The following PPP4R4 variants were observed in gnomAD, a reference collection of about 807,000 sequenced individuals.
PPP4R4 encodes protein phosphatase 4 regulatory subunit 4.
PPP4R4 carries 70 observed loss-of-function variants against 121.8 expected under a neutral mutation model. The ratio of observed to expected loss-of-function variants is 0.57; its 90% confidence interval spans 0.47 to 0.70. The LOEUF is 0.70. Among genes scored for constraint, PPP4R4 ranks in the 30% least tolerant of loss-of-function variants. The pLI is 0.00. For synonymous variants in PPP4R4, 348 were observed against 355.7 expected (o/e 0.98, Z 0.24); for missense variants, 875 against 1,033.6 (o/e 0.85, Z 2.10).
chr14:94,214,320 G>A (rs563052330), intron 3 of PPP4R4, among the ~76,000 whole-genome samples: 7 of 151,990 alleles, frequency 4.6e-5, no homozygotes, highest in Admixed American at 2.0e-4. Context: ...GAGAGGATTT[G>A]GGAAATATAT....
chr14:94,275,640 T>G, intron 24 of PPP4R4, 119 bp downstream of exon 24: 4 of 1,160,312 alleles, frequency 3.4e-6, no homozygotes, highest in Non-Finnish European at 3.7e-6. Flanking sequence ...GAAAATGTTA[T>G]AAATTAAAGG....
At chr14:94,180,217 G>A (rs774210067) in intron 2 of PPP4R4, among the ~76,000 whole-genome samples, 1 of 152,134 alleles carries the variant, frequency 6.6e-6, no homozygotes, top group Non-Finnish European at 1.5e-5. Context: ...TTTAAAAGAG[G>A]ATAATGGTAT....
intron 3 of PPP4R4, among the ~76,000 whole-genome samples, chr14:94,217,838 T>C (rs1035431931): frequency 1.5e-4 from 23 of 151,876 alleles, no homozygotes; most frequent in African/African-American, 5.3e-4. Flanking sequence ...CTAGTAAAAA[T>C]ACAAAATTAG....
chr14:94,218,184 T>A (rs1304334069), intron 3 of PPP4R4, among the ~76,000 whole-genome samples: 1 of 151,934 alleles, frequency 6.6e-6, no homozygotes, highest in Non-Finnish European at 1.5e-5. Context: ...TGAGACAGCA[T>A]AAAAAGAGAT....
chr14:94,187,235 G>A (rs554144423), intron 2 of PPP4R4, among the ~76,000 whole-genome samples: 24 of 152,122 alleles, frequency 1.6e-4, no homozygotes, highest in African/African-American at 5.1e-4. Flanking sequence ...TTGCCCCGGA[G>A]GCAGAGGTTG....
chr14:94,200,923 G>A (rs1890144112), intron 2 of PPP4R4, among the ~76,000 whole-genome samples: 1 of 151,860 alleles, frequency 6.6e-6, no homozygotes, highest in African/African-American at 2.4e-5. Context: ...ACCTCAGCTA[G>A]TCTATTTGTG....
In PPP4R4 at chr14:94,267,029, G is replaced by T; in HGVS notation, c.2449G>T (p.Asp817Tyr). The change falls in exon 23 of 25, where the codon GAT becomes TAT. Residue 817 changes from aspartate (D) to tyrosine (Y), a missense_variant and splice_region_variant. Physicochemically the swap from Asp to Tyr is radical, Grantham distance 160. Transcript: ENST00000304338. ...LGKTSVLSLADDSFRTRNASS... is the reference protein window; with the variant it reads ...LGKTSVLSLAYDSFRTRNASS... ...AAAGACTTCTGTGCTTTCACTAGCT[G>T]GTAAGTAGCAATCTAAGTTCTTCAA... 1 of 1,577,842 alleles carries T rather than the reference G, an allele frequency of 6.3e-7. No individual in the cohort carries two copies. Among genetic ancestry groups the T allele is most frequent in the South Asian group, 1.1e-5 (1 of 88,962 alleles).
chr14:94,251,947 C>A lies in PPP4R4; in HGVS notation c.1865+51C>A, dbSNP rs754601610. Reference sequence around the variant, plus strand: ...TGGAAATTGTATTTATTTTTATCTACTATAGTGAACATATGCAAAATCTTT... The same window carrying A: ...TGGAAATTGTATTTATTTTTATCTAATATAGTGAACATATGCAAAATCTTT... On this transcript the variant is annotated intron_variant, in intron 16 of 24. Coordinates refer to ENST00000304338, the MANE Select transcript of PPP4R4 (RefSeq NM_058237.2). The A allele has an allele frequency of 4.9e-6, 7 of 1,432,048 alleles. No homozygotes were observed. The East Asian group carries it at 1.2e-4, about 25-fold the overall frequency. The allele number at this position is 1,432,048 out of a possible 1,614,324, so 88.7% of individuals were successfully genotyped here. A position where few individuals can be genotyped will look rare whatever the true frequency, so the allele number is the denominator to read the frequency against.
chr14:94,218,487 A>G (rs1222158764), intron 3 of PPP4R4, among the ~76,000 whole-genome samples: 2 of 79,150 alleles, frequency 2.5e-5, no homozygotes, highest in African/African-American at 1.1e-4. Context: ...ACACACCCTC[A>G]CCCCTAGACA....
chr14:94,271,482 A>G (rs1419614699), intron 23 of PPP4R4, among the ~76,000 whole-genome samples: 1 of 152,200 alleles, frequency 6.6e-6, no homozygotes, highest in African/African-American at 2.4e-5. Flanking sequence ...GATAAAAACC[A>G]TCAGTAAGCT....
intron 2 of PPP4R4, among the ~76,000 whole-genome samples, chr14:94,181,329 G>T (rs997331488): frequency 6.6e-6 from 1 of 152,042 alleles, no homozygotes; most frequent in African/African-American, 2.4e-5. Flanking sequence ...GGTCTTGAGT[G>T]ACCAGTATTG....
chr14:94,256,590 G>C lies in PPP4R4; in HGVS notation c.1996G>C (p.Ala666Pro), dbSNP rs1218273278. ...LCQEKDKDVL[A>P]IVKRTVLELD... Reference sequence around the variant, plus strand: ...TCAAGAAAAAGATAAAGATGTTCTGGCTATTGTAAAAAGAGTAAGTATCAC... The same window carrying C: ...TCAAGAAAAAGATAAAGATGTTCTGCCTATTGTAAAAAGAGTAAGTATCAC... Residue 666 changes from alanine (A) to proline (P), a missense_variant, in exon 17 of 25, where the codon GCT (alanine) becomes CCT (proline). Ala to Pro is a conservative substitution (Grantham distance 27). Transcript: ENST00000304338. The C allele has an allele frequency of 6.2e-7, 1 of 1,605,434 alleles. No individual in the cohort carries two copies. The highest frequency in any genetic ancestry group is 1.1e-5 in the South Asian group (1 of 89,756).
intron 16 of PPP4R4, among the ~76,000 whole-genome samples, chr14:94,253,206 C>G (rs540564219): frequency 6.6e-6 from 1 of 152,178 alleles, no homozygotes; most frequent in South Asian, 2.1e-4. Context: ...GCCTGTAAAT[C>G]CCAGCACTTT....
chr14:94,235,912 A>C (rs978252823), intron 7 of PPP4R4, among the ~76,000 whole-genome samples: 2 of 152,208 alleles, frequency 1.3e-5, no homozygotes, highest in South Asian at 2.1e-4. Flanking sequence ...CAGAAGTTGC[A>C]CTGATTTCAT....
chr14:94,193,602 A>G (rs925638795), intron 2 of PPP4R4, among the ~76,000 whole-genome samples: 7 of 152,192 alleles, frequency 4.6e-5, no homozygotes, highest in Admixed American at 1.3e-4. Context: ...TTGAAATAAT[A>G]GGGAGGTTCA....
intron 2 of PPP4R4, among the ~76,000 whole-genome samples, chr14:94,185,072 G>A (rs1889194967): frequency 6.6e-6 from 1 of 152,116 alleles, no homozygotes; most frequent in Non-Finnish European, 1.5e-5. Context: ...ACAGGTACTG[G>A]GAGTCAGTGT....
chr14:94,205,594 G>A (rs1890413241), intron 2 of PPP4R4, among the ~76,000 whole-genome samples: 1 of 151,412 alleles, frequency 6.6e-6, no homozygotes, highest in African/African-American at 2.4e-5. Context: ...GAAGTGGAAA[G>A]TTAGATTATT....
At chr14:94,188,575 A>ATG (rs1889418997) in intron 2 of PPP4R4, among the ~76,000 whole-genome samples, 2 of 151,656 alleles carry the variant, frequency 1.3e-5, no homozygotes, top group African/African-American at 2.4e-5. Flanking sequence ...ATATATATAT[A>ATG]TGTGTGTATA....
chr14:94,196,574 A>G (rs1237855664), intron 2 of PPP4R4, among the ~76,000 whole-genome samples: 2 of 152,064 alleles, frequency 1.3e-5, no homozygotes, highest in Non-Finnish European at 1.5e-5. Context: ...TCGGCCTCCC[A>G]AAGTGCTGGG....
Sources: gnomAD v4.1 joint callset for allele counts (sites outside exome capture counted in the v4.1 genomes callset) on GRCh38, gnomAD v4.1.1 for gene constraint, MANE v1.5 for transcripts, NCBI Gene and HGNC (gene_info 2026-07-23, HGNC 2026-07-21) for gene names.